SCAPER: variants seen among roughly 807,000 people sequenced by gnomAD.
The protein encoded by SCAPER is S-phase cyclin A associated protein in the ER, also known as S phase cyclin A-associated protein in the endoplasmic reticulum.
SCAPER carries 98 observed loss-of-function variants against 182.2 expected under a neutral mutation model. That is an observed-to-expected ratio of 0.54 (90% CI 0.46 to 0.64). The LOEUF is 0.64. SCAPER is among the 30% of genes least tolerant of loss of function. SCAPER has a pLI of 0.00. For synonymous variants in SCAPER, 605 were observed against 564.6 expected (o/e 1.07, Z -1.01); for missense variants, 1,432 against 1,690.0 (o/e 0.85, Z 2.68).
intron 5 of SCAPER, among the ~76,000 whole-genome samples, chr15:76,812,810 T>A (rs996392272): frequency 1.3e-5 from 2 of 151,084 alleles, no homozygotes; most frequent in Non-Finnish European, 2.9e-5. Flanking sequence ...AACTTCCCAA[T>A]GAAGAAAAGT....
At chr15:76,681,958 G>A (rs2057735978) in intron 20 of SCAPER, among the ~76,000 whole-genome samples, 3 of 152,132 alleles carry the variant, frequency 2.0e-5, no homozygotes, top group Admixed American at 2.0e-4. Flanking sequence ...AAGTGGTCTT[G>A]CCCATGAGAC....
chr15:76,765,117 G>A, intron 13 of SCAPER, 45 bp from the exon 14 acceptor site: 3 of 1,352,732 alleles, frequency 2.2e-6, no homozygotes, highest in Non-Finnish European at 3.0e-6. Flanking sequence ...ATGTTTACAT[G>A]ATAAGGCCAG....
At chr15:76,845,834 G>GA (rs553190887) in intron 4 of SCAPER, among the ~76,000 whole-genome samples, 71 of 151,512 alleles carry the variant, frequency 4.7e-4, no homozygotes, top group African/African-American at 1.6e-3. Flanking sequence ...CACAGAAACA[G>GA]AAAAAAAATC....
intron 14 of SCAPER, among the ~76,000 whole-genome samples, chr15:76,762,962 TAA>T (rs1400410210): frequency 6.6e-6 from 1 of 152,230 alleles, no homozygotes; most frequent in Admixed American, 6.5e-5. Context: ...CAGCCTTCTT[TAA>T]AGTTTTATAT....
intron 5 of SCAPER, among the ~76,000 whole-genome samples, chr15:76,829,502 C>T (rs1241503042): frequency 6.6e-6 from 1 of 152,160 alleles, no homozygotes; most frequent in East Asian, 1.9e-4. Context: ...GCATCACTAT[C>T]AGGCTTCTCT....
At chr15:76,786,017 A>C (rs1410675782) in intron 8 of SCAPER, among the ~76,000 whole-genome samples, 1 of 152,098 alleles carries the variant, frequency 6.6e-6, no homozygotes, top group Non-Finnish European at 1.5e-5. Context: ...CTAGAACTAA[A>C]AGTATAATAA....
At chr15:76,806,344 C>G (rs1016225120) in intron 5 of SCAPER, among the ~76,000 whole-genome samples, 2 of 152,308 alleles carry the variant, frequency 1.3e-5, no homozygotes, top group East Asian at 1.9e-4. Flanking sequence ...AAATCAAATT[C>G]ATACATAGAC....
chr15:76,767,048 T>A lies in SCAPER; in HGVS notation c.1289A>T (p.Asp430Val). The stretch of plus-strand genomic sequence containing the variant: ...TTCTTCATTGGCCTTTTCTAGACGA[T>A]CTGCTAGCTCTTCTTTTTTAGCAAG... ...EVLAKKEELA[D>V]RLEKANEEAI... Residue 430 changes from aspartate (D) to valine (V), a missense_variant, in exon 11 of 32, where the codon GAT (aspartate) becomes GTT (valine). By Grantham distance (152) the Asp-to-Val change is radical. Around this residue, in one of 5 missense-constraint regions of SCAPER, gnomAD observed 18 missense variants for 46.0 expected, o/e 0.39. Transcript: ENST00000563290. The A allele has an allele frequency of 6.2e-7, 1 of 1,600,154 alleles. No homozygotes were observed. Among genetic ancestry groups the A allele is most frequent in the Non-Finnish European group, 8.5e-7 (1 of 1,172,772 alleles).
chr15:76,680,426 A>G lies in SCAPER; in HGVS notation c.2509-14637T>C, dbSNP rs1026207407. Among the ~76,000 whole-genome samples, 405 of 128,756 alleles carry G rather than the reference A, an allele frequency of 3.1e-3. 1 individual carries two copies. The highest frequency in any genetic ancestry group is 8.0e-3 in the African/African-American group (313 of 39,204). 84.5% of individuals were successfully genotyped at this position (128,756 alleles called of 152,430 possible). A position where few individuals can be genotyped will look rare whatever the true frequency, so the allele number is the denominator to read the frequency against. Reference sequence around the variant, plus strand: ...TGATGATGATGATAATAATAATAATAATAATAATAATAATAATAATAATAA... The same window carrying G: ...TGATGATGATGATAATAATAATAATGATAATAATAATAATAATAATAATAA... On this transcript the variant is annotated intron_variant, in intron 20 of 31. Transcript: ENST00000563290.
intron 29 of SCAPER, among the ~76,000 whole-genome samples, chr15:76,373,769 A>G (rs759161848): frequency 3.3e-5 from 5 of 152,248 alleles, no homozygotes; most frequent in African/African-American, 4.8e-5. Context: ...TGCACTGAAC[A>G]TACACTTTGC....
chr15:76,358,634 C>T (rs192591103), intron 29 of SCAPER, among the ~76,000 whole-genome samples: 33 of 152,310 alleles, frequency 2.2e-4, no homozygotes, highest in African/African-American at 6.7e-4. Context: ...ATCAGTCCTA[C>T]TGGATTAGGG....
At chr15:76,828,559 T>TA (rs1166124871) in intron 5 of SCAPER, among the ~76,000 whole-genome samples, 4 of 151,746 alleles carry the variant, frequency 2.6e-5, no homozygotes, top group African/African-American at 9.7e-5. Context: ...AATGCTTTAG[T>TA]AAATGTTACA....
At chr15:76,795,144 T>C (rs1406827644) in intron 8 of SCAPER, 136 bp downstream of exon 8, 1 of 829,324 alleles carries the variant, frequency 1.2e-6, no homozygotes, top group Non-Finnish European at 1.8e-6. Flanking sequence ...TTTAAGATAA[T>C]TTTATGTTTT....
At chr15:76,884,432 G>T (rs2073736584) in intron 1 of SCAPER, among the ~76,000 whole-genome samples, 1 of 152,096 alleles carries the variant, frequency 6.6e-6, no homozygotes, top group Admixed American at 6.6e-5. Flanking sequence ...GTACCTTTCA[G>T]GTAACCTATT....
At chr15:76,710,134 G>T (rs539551548) in intron 17 of SCAPER, among the ~76,000 whole-genome samples, 1 of 152,210 alleles carries the variant, frequency 6.6e-6, no homozygotes, top group East Asian at 1.9e-4. Context: ...AACTTCCATT[G>T]AACATTACAT....
chr15:76,703,250 T>C (rs1387722792), intron 18 of SCAPER, among the ~76,000 whole-genome samples: 3 of 152,168 alleles, frequency 2.0e-5, no homozygotes, highest in African/African-American at 7.2e-5. Context: ...GTCAAATAAA[T>C]TTGGAAAACA....
intron 23 of SCAPER, among the ~76,000 whole-genome samples, chr15:76,534,336 C>T (rs898388424): frequency 3.3e-5 from 5 of 152,112 alleles, no homozygotes; most frequent in African/African-American, 7.2e-5. Flanking sequence ...CTAGATAAAC[C>T]ATTAGTGGTC....
chr15:76,499,167 A>G (rs1200647155), intron 24 of SCAPER, among the ~76,000 whole-genome samples: 1 of 152,214 alleles, frequency 6.6e-6, no homozygotes, highest in Non-Finnish European at 1.5e-5. Flanking sequence ...TCAAAAACTC[A>G]TGGAAGTTTA....
intron 5 of SCAPER, among the ~76,000 whole-genome samples, chr15:76,829,649 T>C (rs1011464210): frequency 2.6e-5 from 4 of 152,144 alleles, no homozygotes; most frequent in South Asian, 2.1e-4. Flanking sequence ...GATTAATCCA[T>C]ATACCCACCA....
Sources: allele counts gnomAD v4.1 joint callset (sites outside exome capture counted in the v4.1 genomes callset), GRCh38; gene constraint gnomAD v4.1.1; regional missense constraint gnomAD v4.1.1; transcripts MANE v1.5; gene names NCBI Gene and HGNC (gene_info 2026-07-23, HGNC 2026-07-21).